TTC34: variants seen among roughly 807,000 people sequenced by gnomAD.
TTC34 encodes the protein tetratricopeptide repeat domain 34.
A neutral mutation model predicts 40.7 loss-of-function variants in TTC34; 44 were observed. The ratio of observed to expected loss-of-function variants is 1.08; its 90% confidence interval spans 0.85 to 1.39. The LOEUF (loss-of-function observed/expected upper bound fraction) is 1.39. TTC34 is among the 40% of genes most tolerant of loss of function. The pLI, the probability that TTC34 is intolerant of heterozygous loss-of-function variation, is 0.00. For missense variants in TTC34, 884 were observed against 838.0 expected (o/e 1.05, Z -0.68); for synonymous variants, 422 against 398.6 (o/e 1.06, Z -0.70).
rs999107576 is a variant in TTC34, at chr1:2,691,717, T to A, written c.2227-46154A>T. On this transcript the variant is annotated intron_variant, in intron 6 of 8. Coordinates refer to ENST00000401095, the Ensembl canonical transcript of TTC34. ...CAGCACCCACATCCCCAGGTGAGCA[T>A]TGGACAGCCTGGAGCAGCACCCACA... 5.3e-5 allele frequency among the ~76,000 whole-genome samples: 5 copies of A among 94,628 alleles called. 1 individual carries two copies. In the East Asian group the frequency reaches 8.4e-4, roughly 16 times the overall value. The allele number at this position is 94,628 out of a possible 152,430, so 62.1% of individuals were successfully genotyped here.
intron 6 of TTC34, chr1:2,775,080 T>C (rs1451000615): frequency 8.2e-6 from 1 of 122,168 alleles, no homozygotes; most frequent in African/African-American, 3.3e-5. Flanking sequence ...CAGGTGAGCA[T>C]CCGACAGCCT....
chr1:2,759,419 C>G (rs1192323935), intron 6 of TTC34, among the ~76,000 whole-genome samples: 2 of 107,116 alleles, frequency 1.9e-5, no homozygotes, highest in African/African-American at 8.1e-5. Flanking sequence ...CATGTGACAG[C>G]CTGGATCAGC....
chr1:2,792,561 T>A (rs1569973344), intron 2 of TTC34, among the ~76,000 whole-genome samples: 1 of 152,334 alleles, frequency 6.6e-6, no homozygotes, highest in Admixed American at 6.5e-5. Context: ...ATTGGCTGGG[T>A]TTAAACTCCA....
chr1:2,750,556 C>A (rs1641282034), intron 6 of TTC34, among the ~76,000 whole-genome samples: 4 of 152,042 alleles, frequency 2.6e-5, no homozygotes, highest in Non-Finnish European at 5.9e-5. Flanking sequence ...CCTGGGGCAG[C>A]ACCCACACCC....
chr1:2,652,551 A>G (rs1639184073), intron 6 of TTC34, among the ~76,000 whole-genome samples: 6 of 125,554 alleles, frequency 4.8e-5, no homozygotes, highest in Non-Finnish European at 6.7e-5. Flanking sequence ...GAAAGCCTGG[A>G]GCAGCACCCA....
chr1:2,792,014 T>G (rs1186398931), intron 2 of TTC34, among the ~76,000 whole-genome samples: 5 of 106,870 alleles, frequency 4.7e-5, no homozygotes, highest in African/African-American at 1.9e-4. Flanking sequence ...TGCTTTTTTT[T>G]TTTTTTTTTT....
chr1:2,696,841 C>A (rs1169348069), intron 6 of TTC34, among the ~76,000 whole-genome samples: 2 of 58,538 alleles, frequency 3.4e-5, no homozygotes, highest in African/African-American at 9.8e-5. Flanking sequence ...GCACCCACAC[C>A]TTCCGGCGAG....
At chr1:2,688,596 G>A (rs1416195132) in intron 6 of TTC34, among the ~76,000 whole-genome samples, 20 of 137,532 alleles carry the variant, frequency 1.5e-4, no homozygotes, top group Non-Finnish European at 2.7e-4. Flanking sequence ...CGACAGCCTG[G>A]AGCAGCACCC....
chr1:2,686,032 ACCCTGCACCCCCAAGT>A (rs1640325913), intron 6 of TTC34, among the ~76,000 whole-genome samples: 1 of 104,004 alleles, frequency 9.6e-6, no homozygotes, highest in African/African-American at 4.8e-5. Flanking sequence ...CTGGAACAGC[ACCCTGCACCCCCAAGT>A]GAGCATCCGA....
At chr1:2,788,489 G>A (rs908195843) in intron 3 of TTC34, among the ~76,000 whole-genome samples, 11 of 152,026 alleles carry the variant, frequency 7.2e-5, no homozygotes, top group South Asian at 2.1e-4. Flanking sequence ...TCCAAGAACC[G>A]CCCCCACCCC....
intron 6 of TTC34, among the ~76,000 whole-genome samples, chr1:2,688,187 A>ATT (rs1640455783): frequency 6.6e-6 from 1 of 151,378 alleles, no homozygotes; most frequent in African/African-American, 2.4e-5. Flanking sequence ...AGCATCGGAC[A>ATT]GCCTGGAGCA....
At chr1:2,681,372 A>G (rs1294576997) in intron 6 of TTC34, among the ~76,000 whole-genome samples, 5 of 62,488 alleles carry the variant, frequency 8.0e-5, no homozygotes, top group Non-Finnish European at 9.4e-5. Flanking sequence ...ACAGCCTGGA[A>G]CAGCACACAC....
chr1:2,683,792 A>T (rs1169473770), intron 6 of TTC34, among the ~76,000 whole-genome samples: 9 of 148,328 alleles, frequency 6.1e-5, no homozygotes, highest in Admixed American at 5.3e-4. Context: ...CAGCACGCAC[A>T]CCCCCAGTTG....
chr1:2,773,192 G>T (rs1307589359), intron 6 of TTC34, among the ~76,000 whole-genome samples: 3 of 24,640 alleles, frequency 1.2e-4, no homozygotes, highest in African/African-American at 4.1e-4. Context: ...AGGTGAGCAT[G>T]TGACAGCCTG....
intron 6 of TTC34, among the ~76,000 whole-genome samples, chr1:2,759,497 C>G (rs1368026276): frequency 2.8e-5 from 3 of 105,462 alleles, no homozygotes; most frequent in Non-Finnish European, 3.9e-5. Context: ...GAGCATCGGG[C>G]AGCCTGGAGC....
chr1:2,682,141 C>G (rs1640109749), intron 6 of TTC34, among the ~76,000 whole-genome samples: 8 of 149,144 alleles, frequency 5.4e-5, no homozygotes, highest in African/African-American at 1.2e-4. Flanking sequence ...GGAACAGCAC[C>G]CTGCACCCCC....
intron 6 of TTC34, among the ~76,000 whole-genome samples, chr1:2,687,727 C>T (rs1316952823): frequency 6.7e-6 from 1 of 149,696 alleles, no homozygotes; most frequent in Admixed American, 6.6e-5. Flanking sequence ...GCACCCACAC[C>T]CCCAGGTGAA....
chr1:2,785,146 G>T (rs1643562985), intron 5 of TTC34, among the ~76,000 whole-genome samples: 1 of 152,214 alleles, frequency 6.6e-6, no homozygotes, highest in Non-Finnish European at 1.5e-5. Flanking sequence ...GGGAGAGGAG[G>T]GTGAGGGGTG....
chr1:2,691,508 G>A (rs1291126137), intron 6 of TTC34, among the ~76,000 whole-genome samples: 4 of 109,070 alleles, frequency 3.7e-5, no homozygotes, highest in African/African-American at 9.9e-5. Context: ...CAAAACCACA[G>A]GTGAGCATCG....
Sources: gnomAD v4.1 joint callset for allele counts (sites outside exome capture counted in the v4.1 genomes callset) on GRCh38, gnomAD v4.1.1 for gene constraint, MANE v1.5 for transcripts, NCBI Gene and HGNC (gene_info 2026-07-23, HGNC 2026-07-21) for gene names.